Variants in NEK11 observed in about 807,000 individuals in gnomAD.
The protein encoded by NEK11 is serine/threonine-protein kinase Nek11.
NEK11 carries 72 observed loss-of-function variants against 80.7 expected under a neutral mutation model. The ratio of observed to expected loss-of-function variants is 0.89; its 90% CI spans 0.74 to 1.08. The LOEUF (loss-of-function observed/expected upper bound fraction) is 1.08. Ranked by LOEUF, NEK11 falls within the 50% of genes least tolerant of loss-of-function variation. The pLI is 0.00. For synonymous variants in NEK11, 251 were observed against 260.7 expected (o/e 0.96, Z 0.36); for missense variants, 764 against 763.6 (o/e 1.00, Z -0.01).
At chr3:131,279,336 G>A (rs931277972) in intron 17 of NEK11, among the ~76,000 whole-genome samples, 4 of 152,130 alleles carry the variant, frequency 2.6e-5, no homozygotes, top group South Asian at 4.1e-4. Context: ...CAACAAGAGC[G>A]AAACTCGGTC....
chr3:131,132,769 G>A lies in NEK11; in HGVS notation c.480G>A (p.Lys160=). 1 of 1,533,062 alleles carries A rather than the reference G, an allele frequency of 6.5e-7. No homozygotes were observed. The highest frequency in any genetic ancestry group is 8.9e-7 in the Non-Finnish European group (1 of 1,125,676). 95.0% of individuals were successfully genotyped at this position (1,533,062 alleles called of 1,614,324 possible). The change falls in exon 6 of 18, where the codon AAG becomes AAA. Residue 160 remains lysine (K), a synonymous_variant. Coordinates refer to ENST00000383366, the MANE Select transcript of NEK11 (RefSeq NM_024800.5). ...GGAGGATACTTCATCGAGACTTAAA[G>A]TCAAAGAATGTATTTCTGAAAAATA... ...HERRILHRDL[K]SKNVFLKNNL...
chr3:131,254,047 T>C (rs2095758408), intron 16 of NEK11, among the ~76,000 whole-genome samples: 1 of 152,180 alleles, frequency 6.6e-6, no homozygotes, highest in African/African-American at 2.4e-5. Flanking sequence ...TGTAGCATGT[T>C]CTCCGTAAGT....
rs184659251 is a variant in NEK11, at chr3:131,190,329, C to G, written c.1399+19442C>G. On this transcript the variant is annotated intron_variant, in intron 14 of 17. Coordinates refer to ENST00000383366, the MANE Select transcript of NEK11 (RefSeq NM_024800.5). ...TCAACTGGGGGCGATGGAAAATAAA[C>G]AGACAAATATGTTGGAGGTTGGGCT... Among the ~76,000 whole-genome samples, 297 of 152,230 alleles carry G rather than the reference C, an allele frequency of 2.0e-3. 1 individual carries two copies. The highest frequency in any genetic ancestry group is 6.9e-3 in the African/African-American group (288 of 41,544).
intron 15 of NEK11, among the ~76,000 whole-genome samples, chr3:131,229,418 T>C: frequency 6.6e-6 from 1 of 152,158 alleles, no homozygotes; most frequent in Non-Finnish European, 1.5e-5. Flanking sequence ...TCTTTTCTTC[T>C]TACCTTCCAA....
Position 131,349,620 on chromosome 3 carries a change from A to C in NEK11, c.1782A>C (p.Ala594=), listed in dbSNP as rs2097424226. The part of the protein sequence containing the change: ...FEEVYNYLKR[A]RHQNASEAEI... ...AGGTCTATAATTACCTCAAGAGAGC[A>C]AGGCATCAGAATGCTAGCGAAGCAG... The change falls in exon 18 of 18, where the codon GCA becomes GCC. Residue 594 remains alanine (A), a synonymous_variant. Coordinates refer to ENST00000383366, the MANE Select transcript of NEK11 (RefSeq NM_024800.5). 1.9e-6 allele frequency: 3 copies of C among 1,614,078 alleles called. No homozygotes were observed. The African/African-American group carries it at 4.0e-5, about 22-fold the overall frequency.
intron 14 of NEK11, chr3:131,184,677 A>G (rs2093522730): frequency 1.1e-6 from 1 of 896,464 alleles, no homozygotes; most frequent in Non-Finnish European, 1.5e-6. Context: ...GTTCATCTAT[A>G]AAATTTTTCT....
intron 5 of NEK11, among the ~76,000 whole-genome samples, chr3:131,115,663 C>T (rs1001422362): frequency 2.6e-5 from 4 of 152,092 alleles, no homozygotes; most frequent in African/African-American, 7.2e-5. Context: ...CTGTTCTGGG[C>T]GGGGAGTTCA....
At chr3:131,262,520 T>G (rs2095946444) in intron 16 of NEK11, among the ~76,000 whole-genome samples, 1 of 152,224 alleles carries the variant, frequency 6.6e-6, no homozygotes, top group Non-Finnish European at 1.5e-5. Context: ...TGACTTCTTT[T>G]TCTTGCCCAA....
rs534598615 is a variant in NEK11 at position 131,111,699 on chromosome 3, GT to G, written c.455+1783del. ...TTAGATTGGTGCAAAAGTAATTGTG[GT>G]TTTTGCCATTATTTTTAATGACAAA... On this transcript the variant is annotated intron_variant, in intron 5 of 17. Transcript: ENST00000383366. Among the ~76,000 whole-genome samples, 708 of 151,976 alleles carry G rather than the reference GT, an allele frequency of 4.7e-3. 4 individuals carry two copies. Among genetic ancestry groups the G allele is most frequent in the African/African-American group, 0.016 (644 of 41,454 alleles).
chr3:131,256,534 T>C (rs1164815000), intron 16 of NEK11, among the ~76,000 whole-genome samples: 1 of 152,212 alleles, frequency 6.6e-6, no homozygotes, highest in Non-Finnish European at 1.5e-5. Flanking sequence ...TATTTGTTTC[T>C]TATCCTGACC....
intron 14 of NEK11, among the ~76,000 whole-genome samples, chr3:131,206,537 A>G (rs1372927334): frequency 2.0e-5 from 3 of 152,250 alleles, no homozygotes; most frequent in Non-Finnish European, 1.5e-5. Flanking sequence ...TTAAAATTCA[A>G]TTAAAATGAA....
intron 3 of NEK11, among the ~76,000 whole-genome samples, chr3:131,065,862 T>C (rs2071827992): frequency 6.6e-6 from 1 of 152,208 alleles, no homozygotes; most frequent in Non-Finnish European, 1.5e-5. Context: ...ACTTGGTAAA[T>C]GTGTCCTTTT....
intron 3 of NEK11, among the ~76,000 whole-genome samples, chr3:131,079,884 A>G (rs936790523): frequency 5.9e-5 from 9 of 152,320 alleles, no homozygotes; most frequent in African/African-American, 1.9e-4. Context: ...AGAGAGAAGC[A>G]TGCCTGTGAG....
chr3:131,027,115 CG>C, intron 1 of NEK11, 109 bp downstream of exon 1: 1 of 152,280 alleles, frequency 6.6e-6, no homozygotes, highest in Non-Finnish European at 1.5e-5. Flanking sequence ...GCCATGGCTG[CG>C]ATCTCCTCGC....
At chr3:131,059,701 T>G (rs912338089) in intron 3 of NEK11, among the ~76,000 whole-genome samples, 1 of 152,208 alleles carries the variant, frequency 6.6e-6, no homozygotes, top group Non-Finnish European at 1.5e-5. Flanking sequence ...TTTAGTTCTT[T>G]TAAGTGTTTC....
At chr3:131,141,846 T>C (rs1166503751) in intron 7 of NEK11, among the ~76,000 whole-genome samples, 1 of 151,912 alleles carries the variant, frequency 6.6e-6, no homozygotes, top group Non-Finnish European at 1.5e-5. Context: ...CGGGCAGGGG[T>C]CAGATGGTGA....
At chr3:131,174,877 G>A in intron 14 of NEK11, 1 of 1,529,080 alleles carries the variant, frequency 6.5e-7, no homozygotes, top group Non-Finnish European at 8.8e-7. Flanking sequence ...ATTCAGATGT[G>A]GAGAATGCAG....
chr3:131,102,782 T>TTCTC (rs1160911954), intron 4 of NEK11, among the ~76,000 whole-genome samples: 1 of 152,130 alleles, frequency 6.6e-6, no homozygotes, highest in Non-Finnish European at 1.5e-5. Flanking sequence ...GAGTTGTTTA[T>TTCTC]TCTCTCTCTC....
chr3:131,190,333 C>G (rs2093747121), intron 14 of NEK11, among the ~76,000 whole-genome samples: 1 of 152,130 alleles, frequency 6.6e-6, no homozygotes, highest in Admixed American at 6.6e-5. Context: ...AATAAACAGA[C>G]AAATATGTTG....
Sources: allele counts gnomAD v4.1 joint callset (sites outside exome capture counted in the v4.1 genomes callset), GRCh38; gene constraint gnomAD v4.1.1; transcripts MANE v1.5; gene names NCBI Gene and HGNC (gene_info 2026-07-23, HGNC 2026-07-21).